CSF2RA: variants seen among roughly 807,000 people sequenced by gnomAD.
The protein encoded by CSF2RA is granulocyte-macrophage colony-stimulating factor receptor subunit alpha.
Under a neutral mutation model 51.6 loss-of-function variants are expected in CSF2RA, and 42 were observed. The observed-to-expected ratio is 0.81, with a 90% confidence interval of 0.64 to 1.05. The LOEUF (loss-of-function observed/expected upper bound fraction) is 1.05. Ranked by LOEUF, CSF2RA falls within the 50% of genes least tolerant of loss-of-function variation. The pLI, the probability that CSF2RA is intolerant of heterozygous loss-of-function variation, is 0.00. For synonymous variants in CSF2RA, 222 were observed against 193.0 expected, an observed-to-expected ratio of 1.15 and a Z score of -1.24; for missense variants, 530 against 501.1, an observed-to-expected ratio of 1.06 and a Z score of -0.55.
chrX:1,278,413 G>A (rs1454110049), intron 2 of CSF2RA, among the ~76,000 whole-genome samples: 6 of 149,548 alleles, frequency 4.0e-5, no homozygotes, highest in Non-Finnish European at 8.9e-5. Context: ...GAGGCCAGGT[G>A]CAGTGGCTCA....
chrX:1,301,331 C>CAAAAAAAAAAAAAA (rs1156943650), intron 10 of CSF2RA, among the ~76,000 whole-genome samples: 1 of 62,688 alleles, frequency 1.6e-5, no homozygotes, highest in Non-Finnish European at 2.8e-5. Flanking sequence ...GACTCTGTCT[C>CAAAAAAAAAAAAAA]AAAAAAAAAA....
intron 1 of CSF2RA, among the ~76,000 whole-genome samples, chrX:1,272,801 CTT>C (rs372370857): frequency 6.5e-5 from 9 of 139,510 alleles, no homozygotes; most frequent in East Asian, 6.3e-4. Flanking sequence ...TCTTCTTTTT[CTT>C]TTTTTTTTTC....
intron 7 of CSF2RA, among the ~76,000 whole-genome samples, chrX:1,291,475 G>C (rs185933506): frequency 6.7e-6 from 1 of 149,956 alleles, no homozygotes; most frequent in African/African-American, 2.5e-5. Flanking sequence ...ACCTCTTCGT[G>C]TCCCAGTGCC....
At chrX:1,272,089 G>T (rs28710442) in intron 1 of CSF2RA, among the ~76,000 whole-genome samples, 40,244 of 151,270 alleles carry the variant, frequency 0.27, 6,416 homozygotes, top group African/African-American at 0.46. Flanking sequence ...CAGTAGCTGG[G>T]ATTACAGGCG....
At chrX:1,280,069 C>T (rs1257347449) in intron 2 of CSF2RA, among the ~76,000 whole-genome samples, 29 of 151,952 alleles carry the variant, frequency 1.9e-4, no homozygotes, top group Admixed American at 1.6e-3. Flanking sequence ...GGATTACAGG[C>T]GTGAGCCACT....
intron 10 of CSF2RA, among the ~76,000 whole-genome samples, chrX:1,303,598 ACTC>A (rs2083239733): frequency 6.6e-6 from 1 of 152,018 alleles, no homozygotes; most frequent in African/African-American, 2.4e-5. Flanking sequence ...CTGGTCTCGA[ACTC>A]CCAACCTCAG....
the CSF2RA span, among the ~76,000 whole-genome samples, chrX:1,324,013 C>CAA: frequency 2.0e-4 from 28 of 142,000 alleles, no homozygotes; most frequent in African/African-American, 6.6e-4. Context: ...GACTCCGTCT[C>CAA]AAAAAAAAAA....
At chrX:1,280,401 G>C (rs1268037431) in intron 2 of CSF2RA, among the ~76,000 whole-genome samples, 1 of 151,194 alleles carries the variant, frequency 6.6e-6, no homozygotes, top group Non-Finnish European at 1.5e-5. Context: ...AACCCGGGAG[G>C]CGGAGGTTGC....
the CSF2RA span, among the ~76,000 whole-genome samples, chrX:1,320,664 AT>A: frequency 0.026 from 3,265 of 123,330 alleles, 66 homozygotes; most frequent in African/African-American, 0.045. Flanking sequence ...TGCCCAGCTA[AT>A]TTTTTTTTTT....
At chrX:1,322,294 A>G in the CSF2RA span, among the ~76,000 whole-genome samples, 1 of 144,708 alleles carries the variant, frequency 6.9e-6, no homozygotes, top group Non-Finnish European at 1.5e-5. Flanking sequence ...TTGTATTTTT[A>G]GTAGAGACGG....
the CSF2RA span, among the ~76,000 whole-genome samples, chrX:1,316,142 TGATA>T: frequency 2.0e-5 from 3 of 151,426 alleles, no homozygotes; most frequent in African/African-American, 7.3e-5. Context: ...CATAGATAGA[TGATA>T]GATTAGATAG....
the CSF2RA span, among the ~76,000 whole-genome samples, chrX:1,315,458 C>T: frequency 1.2e-4 from 19 of 152,080 alleles, no homozygotes; most frequent in African/African-American, 4.6e-4. Context: ...GGCTGGAGTG[C>T]AGTGGCGCGA....
chrX:1,301,941 C>CTTTTTTT, intron 10 of CSF2RA, among the ~76,000 whole-genome samples: 1 of 118,830 alleles, frequency 8.4e-6, no homozygotes. Flanking sequence ...TTTTAGATGG[C>CTTTTTTT]GTTTCGCTCT....
At chrX:1,315,751 G>C in the CSF2RA span, among the ~76,000 whole-genome samples, 1 of 151,338 alleles carries the variant, frequency 6.6e-6, no homozygotes, top group South Asian at 2.1e-4. Context: ...TAGATAGATA[G>C]AAAATAGATA....
chrX:1,280,532 C>T (rs1302714289), intron 2 of CSF2RA, among the ~76,000 whole-genome samples: 5 of 151,036 alleles, frequency 3.3e-5, no homozygotes, highest in African/African-American at 7.3e-5. Context: ...TCCATAAAGG[C>T]GGGACAACTC....
At chrX:1,313,434 G>C (rs2084270402), downstream of CSF2RA, among the ~76,000 whole-genome samples, 1 of 150,964 alleles carries the variant, frequency 6.6e-6, no homozygotes, top group East Asian at 1.9e-4. Context: ...GCTGTGGTCA[G>C]GCACAGTGGC....
chrX:1,281,528 C>T (rs1254985961), intron 2 of CSF2RA, among the ~76,000 whole-genome samples: 1 of 151,046 alleles, frequency 6.6e-6, no homozygotes, highest in African/African-American at 2.4e-5. Flanking sequence ...TTCTCCTCCT[C>T]CTCCTTCTCC....
intron 4 of CSF2RA, among the ~76,000 whole-genome samples, chrX:1,286,165 A>T: frequency 6.6e-6 from 1 of 152,008 alleles, no homozygotes; most frequent in South Asian, 2.1e-4. Context: ...CCAGCTACTC[A>T]GGAGGCTGAG....
the CSF2RA span, among the ~76,000 whole-genome samples, chrX:1,321,562 G>A: frequency 3.4e-5 from 5 of 146,784 alleles, no homozygotes; most frequent in African/African-American, 7.8e-5. Context: ...GGGACAGAGC[G>A]AGACTCCATC....
Sources: gnomAD v4.1 joint callset for allele counts (sites outside exome capture counted in the v4.1 genomes callset) on GRCh38, gnomAD v4.1.1 for gene constraint, MANE v1.5 for transcripts, NCBI Gene and HGNC (gene_info 2026-07-23, HGNC 2026-07-21) for gene names.